ALK: variants seen among roughly 807,000 people sequenced by gnomAD.
ALK encodes the protein ALK tyrosine kinase receptor.
Under a neutral mutation model 163.1 loss-of-function variants are expected in ALK, and 74 were observed. That is an observed-to-expected ratio of 0.45 (90% CI 0.38 to 0.55). The LOEUF is 0.55. Ranked by LOEUF, ALK falls within the 20% of genes least tolerant of loss-of-function variation. ALK has a pLI of 0.00. For missense variants in ALK, 2,063 were observed against 2,105.3 expected (o/e 0.98, Z 0.39); for synonymous variants, 960 against 843.2 (o/e 1.14, Z -2.40).
chr2:29,277,611 G>A (rs1362440612), intron 9 of ALK, among the ~76,000 whole-genome samples: 1 of 152,378 alleles, frequency 6.6e-6, no homozygotes, highest in Non-Finnish European at 1.5e-5. Context: ...CAGCATCACT[G>A]GGGTTGGCCC....
rs574422552 is a variant in ALK, at chr2:29,740,766, C to T, written c.668-23069G>A. Among the ~76,000 whole-genome samples, 12 of 152,264 alleles carry T rather than the reference C, an allele frequency of 7.9e-5. No individual in the cohort carries two copies. The East Asian group carries it at 1.7e-3, about 22-fold the overall frequency. On this transcript the variant is annotated intron_variant, in intron 1 of 28. Transcript: ENST00000389048. ...CCTGTAATCCCAGCACTTTGGGAGG[C>T]CAAGGTGGGCGGATCACTCAAGGCC...
intron 1 of ALK, among the ~76,000 whole-genome samples, chr2:29,798,212 C>T (rs1157221407): frequency 6.6e-6 from 1 of 152,162 alleles, no homozygotes; most frequent in Non-Finnish European, 1.5e-5. Flanking sequence ...CTTATGTGGC[C>T]AAAGCCTCTC....
At chr2:29,314,318 A>G (rs1024849738) in intron 8 of ALK, among the ~76,000 whole-genome samples, 3 of 152,034 alleles carry the variant, frequency 2.0e-5, no homozygotes, top group African/African-American at 4.8e-5. Context: ...CCTTTTCTCC[A>G]GGCCCATGTA....
intron 4 of ALK, among the ~76,000 whole-genome samples, chr2:29,434,115 T>G (rs1025199547): frequency 1.3e-5 from 2 of 152,170 alleles, no homozygotes; most frequent in Non-Finnish European, 2.9e-5. Flanking sequence ...ATTTCACCAC[T>G]TGCACCTGTA....
chr2:29,593,226 G>T (rs1675112736), intron 3 of ALK, among the ~76,000 whole-genome samples: 1 of 152,150 alleles, frequency 6.6e-6, no homozygotes, highest in Admixed American at 6.5e-5. Flanking sequence ...GGGGCCTTGG[G>T]GATTTTGTGG....
chr2:29,547,683 C>T (rs1467801174), intron 3 of ALK, among the ~76,000 whole-genome samples: 1 of 152,182 alleles, frequency 6.6e-6, no homozygotes, highest in Non-Finnish European at 1.5e-5. Flanking sequence ...TAGGCTGGCT[C>T]ACTCAGGTCC....
At chr2:29,809,329 T>G (rs113701374) in intron 1 of ALK, among the ~76,000 whole-genome samples, 32 of 152,370 alleles carry the variant, frequency 2.1e-4, no homozygotes, top group African/African-American at 7.2e-4. Flanking sequence ...GTAGCTGTTA[T>G]TATCTCCATC....
At chr2:29,662,249 A>C (rs1029467592) in intron 3 of ALK, among the ~76,000 whole-genome samples, 2 of 152,132 alleles carry the variant, frequency 1.3e-5, no homozygotes, top group African/African-American at 4.8e-5. Flanking sequence ...CTAAAAGTTG[A>C]CCGGGGCCAG....
chr2:29,547,921 G>C (rs1178612891), intron 3 of ALK, among the ~76,000 whole-genome samples: 1 of 152,228 alleles, frequency 6.6e-6, no homozygotes, highest in Non-Finnish European at 1.5e-5. Flanking sequence ...AATTTTATTA[G>C]TGAAAATATA....
In ALK at chr2:29,464,787, G is replaced by A. The variant is rs117694974; in HGVS notation, c.1154+67128C>T. 1.7e-3 allele frequency among the ~76,000 whole-genome samples: 264 copies of A among 152,230 alleles called. 1 individual carries two copies. Among genetic ancestry groups the A allele is most frequent in the East Asian group, 0.01 (53 of 5,178 alleles). ...ATTGCTAAGCATCCTATAATTCACA[G>A]GACAGCTCCCCCAACAAAGTATTAA... is the stretch of plus-strand genomic sequence containing the variant. On this transcript the variant is annotated intron_variant, in intron 4 of 28. Transcript: ENST00000389048.
At chr2:29,808,945 A>G (rs1228490753) in intron 1 of ALK, among the ~76,000 whole-genome samples, 1 of 152,228 alleles carries the variant, frequency 6.6e-6, no homozygotes, top group Admixed American at 6.5e-5. Context: ...TACATGATAA[A>G]GCCCAGAGAC....
At chr2:29,719,693 CCAG>C (rs1255698731) in intron 1 of ALK, among the ~76,000 whole-genome samples, 1 of 152,104 alleles carries the variant, frequency 6.6e-6, no homozygotes, top group Non-Finnish European at 1.5e-5. Context: ...AGCCACACAG[CCAG>C]CAGGAGACAG....
Position 29,346,088 on chromosome 2 carries a change from A to T in ALK, c.1283-17607T>A, listed in dbSNP as rs77928431. ...AAAAGGAAGTAAATTTCTCTAAAAG[A>T]AGCATGAGTGAGTCAGTCCTTCTTT... On this transcript the variant is annotated intron_variant, in intron 5 of 28. Coordinates refer to ENST00000389048, the MANE Select transcript of ALK (RefSeq NM_004304.5). Among the ~76,000 whole-genome samples the T allele has an allele frequency of 8.5e-5, 13 of 152,352 alleles. No individual in the cohort carries two copies. The East Asian group carries it at 1.9e-3, about 23-fold the overall frequency.
intron 11 of ALK, among the ~76,000 whole-genome samples, chr2:29,272,969 T>C (rs1456803945): frequency 6.6e-6 from 1 of 152,248 alleles, no homozygotes; most frequent in Admixed American, 6.5e-5. Flanking sequence ...AAACAGCAAC[T>C]GTCCCTGGGC....
At chr2:29,714,327 T>G (rs997019522) in intron 2 of ALK, among the ~76,000 whole-genome samples, 3 of 152,024 alleles carry the variant, frequency 2.0e-5, no homozygotes, top group Non-Finnish European at 4.4e-5. Context: ...GAGAATATAT[T>G]TTACACAGCA....
chr2:29,363,175 A>C (rs1463088108), intron 5 of ALK, among the ~76,000 whole-genome samples: 1 of 152,224 alleles, frequency 6.6e-6, no homozygotes, highest in East Asian at 1.9e-4. Context: ...CCTTTTTCTA[A>C]GAATGTGGGT....
intron 11 of ALK, among the ~76,000 whole-genome samples, chr2:29,257,881 G>A (rs1664989332): frequency 6.6e-6 from 1 of 152,102 alleles, no homozygotes; most frequent in Non-Finnish European, 1.5e-5. Context: ...CTCTATCACC[G>A]AGGCTGGAGT....
At chr2:29,789,015 C>CTGTGTGTGTGTGTG (rs57619106) in intron 1 of ALK, among the ~76,000 whole-genome samples, 24,500 of 125,214 alleles carry the variant, frequency 0.2, 3,478 homozygotes, top group Non-Finnish European at 0.25. Flanking sequence ...TCCTGGTACA[C>CTGTGTGTGTGTGTG]TGTGTGTGTG....
chr2:29,248,035 T>G (rs1664730177), intron 12 of ALK, among the ~76,000 whole-genome samples: 1 of 152,160 alleles, frequency 6.6e-6, no homozygotes, highest in African/African-American at 2.4e-5. Context: ...AATCAAATCA[T>G]TAACTGTCTG....
Sources: allele counts gnomAD v4.1 joint callset (sites outside exome capture counted in the v4.1 genomes callset), GRCh38; gene constraint gnomAD v4.1.1; transcripts MANE v1.5; gene names NCBI Gene and HGNC (gene_info 2026-07-23, HGNC 2026-07-21).